TNFAIP8: variants seen among roughly 807,000 people sequenced by gnomAD.
TNFAIP8 encodes tumor necrosis factor alpha-induced protein 8.
In TNFAIP8, 7 loss-of-function variants were observed where a neutral mutation model predicts 13.3. The ratio of observed to expected loss-of-function variants is 0.52; its 90% CI spans 0.30 to 0.99. The LOEUF (loss-of-function observed/expected upper bound fraction) is 0.99. TNFAIP8 is among the 50% of genes least tolerant of loss of function. The pLI is 0.07. For missense variants in TNFAIP8, 258 were observed against 236.9 expected (o/e 1.09, Z -0.58); for synonymous variants, 94 against 87.6 (o/e 1.07, Z -0.41).
chr5:119,377,450 G>A (rs1752326713), intron 1 of TNFAIP8, among the ~76,000 whole-genome samples: 1 of 151,904 alleles, frequency 6.6e-6, no homozygotes, highest in Non-Finnish European at 1.5e-5. Context: ...AAAGAGTGAG[G>A]GAATGAATGG....
Position 119,358,094 on chromosome 5 carries a change from C to T in TNFAIP8, c.31+1973C>T, listed in dbSNP as rs376755928. On this transcript the variant is annotated intron_variant, in intron 1 of 1. Coordinates refer to ENST00000504771, the MANE Select transcript of TNFAIP8 (RefSeq NM_014350.4). ...CGTTACTAGTCCTTTTCCTCTTATA[C>T]GTAGCTTTTTTTTTTTTTTTCATCC... 3.9e-3 allele frequency among the ~76,000 whole-genome samples: 508 copies of T among 131,252 alleles called. 2 individuals are homozygous for T. Among genetic ancestry groups the T allele is most frequent in the African/African-American group, 0.015 (495 of 32,770 alleles). 86.1% of individuals were successfully genotyped at this position (131,252 alleles called of 152,430 possible).
chr5:119,365,175 T>C (rs1457365032), intron 1 of TNFAIP8, among the ~76,000 whole-genome samples: 2 of 152,112 alleles, frequency 1.3e-5, no homozygotes, highest in Non-Finnish European at 2.9e-5. Flanking sequence ...TTTTATTTGC[T>C]CCCTTTGGCC....
At chr5:119,365,489 C>T (rs1458737625) in intron 1 of TNFAIP8, among the ~76,000 whole-genome samples, 1 of 152,194 alleles carries the variant, frequency 6.6e-6, no homozygotes, top group Non-Finnish European at 1.5e-5. Flanking sequence ...CAGACAGCTT[C>T]ACTCAGGAGG....
At chr5:119,337,908 C>T (rs1356202720) in intron 1 of TNFAIP8, among the ~76,000 whole-genome samples, 2 of 152,312 alleles carry the variant, frequency 1.3e-5, no homozygotes, top group East Asian at 3.9e-4. Context: ...AGTAGAAGTG[C>T]AGAAATGCAG....
At chr5:119,331,250 T>TTA (rs199888790) in intron 1 of TNFAIP8, among the ~76,000 whole-genome samples, 1 of 148,972 alleles carries the variant, frequency 6.7e-6, no homozygotes, top group African/African-American at 2.6e-5. Context: ...TTTTTTTTTT[T>TTA]AAACATAAGG....
chr5:119,296,706 A>T (rs1749188793), intron 1 of TNFAIP8, among the ~76,000 whole-genome samples: 1 of 152,192 alleles, frequency 6.6e-6, no homozygotes, highest in African/African-American at 2.4e-5. Flanking sequence ...GAATGGTACC[A>T]GTTCCTCCTT....
chr5:119,387,339 G>A (rs6882000), intron 1 of TNFAIP8, among the ~76,000 whole-genome samples: 19,853 of 152,118 alleles, frequency 0.13, 2,267 homozygotes, highest in African/African-American at 0.32. Flanking sequence ...AGCCAGACAT[G>A]CTTTCCAAAT....
intron 1 of TNFAIP8, among the ~76,000 whole-genome samples, chr5:119,343,778 T>C (rs1750812627): frequency 6.6e-6 from 1 of 152,042 alleles, no homozygotes; most frequent in Admixed American, 6.5e-5. Context: ...TTAAGAGGAG[T>C]TGGGACCTGA....
intron 1 of TNFAIP8, among the ~76,000 whole-genome samples, chr5:119,369,118 A>G (rs572178369): frequency 5.4e-5 from 8 of 148,776 alleles, no homozygotes; most frequent in African/African-American, 1.8e-4. Flanking sequence ...CAGTGGTGCA[A>G]TCTTGGTTCA....
chr5:119,369,356 A>C (rs1751992090), intron 1 of TNFAIP8, among the ~76,000 whole-genome samples: 1 of 152,136 alleles, frequency 6.6e-6, no homozygotes, highest in South Asian at 2.1e-4. Context: ...ACCTGGCCCA[A>C]ACTTTCATTG....
chr5:119,356,062 T>G lies in TNFAIP8; in HGVS notation c.-29T>G, dbSNP rs1424825605. The G allele has an allele frequency of 6.4e-7, 1 of 1,568,452 alleles. No individual in the cohort carries two copies. Among genetic ancestry groups the G allele is most frequent in the South Asian group, 1.2e-5 (1 of 85,704 alleles). On this transcript the variant is annotated 5_prime_UTR_variant, in exon 1 of 2. Transcript: ENST00000504771. ...TCGTCCGAGTACATGTGAGCGGTAA[T>G]CGCCCCTGCAGCTGGTTATCCTGAC...
intron 1 of TNFAIP8, among the ~76,000 whole-genome samples, chr5:119,318,529 C>G (rs1040207112): frequency 6.6e-6 from 1 of 152,118 alleles, no homozygotes; most frequent in East Asian, 1.9e-4. Flanking sequence ...CTCCTTGACT[C>G]AAGTGAACCT....
chr5:119,310,292 G>C (rs962148642), intron 1 of TNFAIP8, among the ~76,000 whole-genome samples: 1 of 151,914 alleles, frequency 6.6e-6, no homozygotes, highest in African/African-American at 2.4e-5. Context: ...ACATGGTAAG[G>C]TCGTCCTGGG....
chr5:119,389,137 G>C (rs150017671), intron 1 of TNFAIP8, among the ~76,000 whole-genome samples: 186 of 152,200 alleles, frequency 1.2e-3, no homozygotes, highest in African/African-American at 3.7e-3. Context: ...ATGATCCCCA[G>C]GTCTCTGATT....
At chr5:119,329,643 A>G (rs1474687356) in intron 1 of TNFAIP8, among the ~76,000 whole-genome samples, 2 of 152,182 alleles carry the variant, frequency 1.3e-5, no homozygotes, top group African/African-American at 2.4e-5. Flanking sequence ...TCTGCTGAAC[A>G]GATATGTTAA....
At chr5:119,366,842 G>A (rs905621559) in intron 1 of TNFAIP8, among the ~76,000 whole-genome samples, 9 of 152,202 alleles carry the variant, frequency 5.9e-5, no homozygotes, top group Non-Finnish European at 1.2e-4. Flanking sequence ...TTAGGCTGAT[G>A]ACCCTAGAAG....
At chr5:119,276,006 G>A (rs1748431060) in intron 1 of TNFAIP8, among the ~76,000 whole-genome samples, 1 of 152,156 alleles carries the variant, frequency 6.6e-6, no homozygotes, top group South Asian at 2.1e-4. Context: ...AGGAGGTTGG[G>A]CAGTGACTTG....
chr5:119,328,732 A>G (rs1750293622), intron 1 of TNFAIP8, among the ~76,000 whole-genome samples: 1 of 152,248 alleles, frequency 6.6e-6, no homozygotes, highest in Admixed American at 6.5e-5. Context: ...CTTATTAGCC[A>G]GAATTTCTAG....
upstream of TNFAIP8, among the ~76,000 whole-genome samples, chr5:119,353,084 G>A (rs1751234002): frequency 6.6e-6 from 1 of 152,206 alleles, no homozygotes; most frequent in African/African-American, 2.4e-5. Context: ...AATGAGAAGT[G>A]TTGCTAACTT....
Sources: allele counts gnomAD v4.1 joint callset (sites outside exome capture counted in the v4.1 genomes callset), GRCh38; gene constraint gnomAD v4.1.1; transcripts MANE v1.5; gene names NCBI Gene and HGNC (gene_info 2026-07-23, HGNC 2026-07-21).